WWC2: variants seen among roughly 807,000 people sequenced by gnomAD.
WWC2 encodes protein WWC2.
Under a neutral mutation model 138.5 loss-of-function variants are expected in WWC2, and 101 were observed. The ratio of observed to expected loss-of-function variants is 0.73; its 90% confidence interval spans 0.62 to 0.86. The LOEUF is 0.86. Ranked by LOEUF, WWC2 falls within the 40% of genes least tolerant of loss-of-function variation. The pLI is 0.00. For synonymous variants in WWC2, 558 were observed against 538.4 expected (o/e 1.04, Z -0.50); for missense variants, 1,420 against 1,419.4 (o/e 1.00, Z -0.01).
At chr4:183,219,471 T>G (rs1211667537) in intron 4 of WWC2, among the ~76,000 whole-genome samples, 2 of 152,162 alleles carry the variant, frequency 1.3e-5, no homozygotes, top group African/African-American at 4.8e-5. Flanking sequence ...CTAAATAAAA[T>G]AATGAAAAAT....
At chr4:183,166,999 A>G (rs1233062509) in intron 1 of WWC2, among the ~76,000 whole-genome samples, 2 of 152,144 alleles carry the variant, frequency 1.3e-5, no homozygotes, top group East Asian at 3.9e-4. Context: ...TGGCTGGGCA[A>G]TATGGTTTCT....
chr4:183,208,060 CTG>C lies in WWC2; in HGVS notation c.351_352del (p.Tyr118ProfsTer13). 6.2e-7 allele frequency: 1 copy of C among 1,613,926 alleles called. No individual in the cohort carries two copies. Among genetic ancestry groups the C allele is most frequent in the Non-Finnish European group, 8.5e-7 (1 of 1,179,850 alleles). On this transcript the variant is annotated frameshift_variant, in exon 3 of 23. Transcript: ENST00000403733. LOFTEE classifies it high-confidence loss of function. ...AQDALRTQKELYHVKEQRLAL... is the reference protein window; with the variant it reads ...AQDALRTQKEXYHVKEQRLAL... ...GGATGCCCTCCGGACACAGAAGGAA[CTG>C]TACCATGTGAAGGAGCAGAGGCTGG...
intron 1 of WWC2, among the ~76,000 whole-genome samples, chr4:183,102,687 A>ATT (rs1402404735): frequency 6.6e-6 from 1 of 152,036 alleles, no homozygotes; most frequent in African/African-American, 2.4e-5. Context: ...GACTAGGCTA[A>ATT]TCCTGGGGAA....
chr4:183,187,472 G>A (rs1734841247), intron 1 of WWC2, among the ~76,000 whole-genome samples: 1 of 151,444 alleles, frequency 6.6e-6, no homozygotes, highest in African/African-American at 2.4e-5. Flanking sequence ...AGAATCGCTT[G>A]AACCTGGGAG....
chr4:183,200,614 G>A (rs1735269985), intron 2 of WWC2, among the ~76,000 whole-genome samples: 1 of 152,068 alleles, frequency 6.6e-6, no homozygotes, highest in Non-Finnish European at 1.5e-5. Flanking sequence ...TCATCTCAAG[G>A]CTGACTGGAG....
intron 1 of WWC2, among the ~76,000 whole-genome samples, chr4:183,182,486 T>G (rs920706453): frequency 1.3e-5 from 2 of 152,216 alleles, no homozygotes; most frequent in Non-Finnish European, 1.5e-5. Context: ...CACTTAAAAT[T>G]TCAGACTATT....
chr4:183,203,796 TTAA>T (rs1166107659), intron 2 of WWC2, among the ~76,000 whole-genome samples: 3 of 152,254 alleles, frequency 2.0e-5, no homozygotes, highest in African/African-American at 7.2e-5. Context: ...CATTTCTCTA[TTAA>T]TGACAGGTTT....
At chr4:183,152,895 A>T (rs1249370806) in intron 1 of WWC2, among the ~76,000 whole-genome samples, 1 of 152,052 alleles carries the variant, frequency 6.6e-6, no homozygotes, top group Non-Finnish European at 1.5e-5. Context: ...AAAAAAATAA[A>T]AAATAAATAA....
intron 1 of WWC2, among the ~76,000 whole-genome samples, chr4:183,164,334 TATACATATA>T (rs1734060463): frequency 8.6e-4 from 1 of 1,158 alleles, no homozygotes; most frequent in African/African-American, 1.4e-3. Context: ...TATATATATA[TATACATATA>T]TATATTATAT....
chr4:183,220,658 C>T (rs376644775), intron 4 of WWC2, among the ~76,000 whole-genome samples: 17 of 151,674 alleles, frequency 1.1e-4, no homozygotes, highest in South Asian at 4.2e-4. Flanking sequence ...CACAGTGAAA[C>T]GCCATCTCTA....
chr4:183,107,691 G>A (rs548939974), intron 1 of WWC2, among the ~76,000 whole-genome samples: 1 of 152,158 alleles, frequency 6.6e-6, no homozygotes, highest in Admixed American at 6.5e-5. Context: ...GTCTCACATT[G>A]CTCTTCCCTT....
chr4:183,265,779 T>A lies in WWC2; in HGVS notation c.2120+11T>A, dbSNP rs1335458393. On this transcript the variant is annotated intron_variant, in intron 13 of 22. Coordinates refer to ENST00000403733, the MANE Select transcript of WWC2 (RefSeq NM_024949.6). ...TCAGATAGGACTCAGGTAAGGAATG[T>A]ACGTGGGAAAGGAGCAGTTCTGACA... 6.2e-7 allele frequency: 1 copy of A among 1,610,168 alleles called. No individual in the cohort carries two copies. Among genetic ancestry groups the A allele is most frequent in the Non-Finnish European group, 8.5e-7 (1 of 1,178,108 alleles).
At chr4:183,296,933 C>CAAAAAAAAA (rs776211338) in intron 21 of WWC2, among the ~76,000 whole-genome samples, 2 of 70,756 alleles carry the variant, frequency 2.8e-5, no homozygotes, top group African/African-American at 1.3e-4. Flanking sequence ...GACTCCGTCT[C>CAAAAAAAAA]AAAAAAAAAA....
At chr4:183,161,972 A>G (rs988137971) in intron 1 of WWC2, among the ~76,000 whole-genome samples, 21 of 152,210 alleles carry the variant, frequency 1.4e-4, no homozygotes, top group African/African-American at 5.1e-4. Context: ...TTCAGCATAA[A>G]TGAGGAAGGA....
intron 21 of WWC2, among the ~76,000 whole-genome samples, chr4:183,297,521 T>C (rs1738675016): frequency 6.6e-6 from 1 of 151,914 alleles, no homozygotes. Context: ...GCAGTTCTTC[T>C]GCCTCAGCCT....
intron 21 of WWC2, among the ~76,000 whole-genome samples, chr4:183,306,458 G>A (rs1739025377): frequency 6.6e-6 from 1 of 152,072 alleles, no homozygotes; most frequent in Non-Finnish European, 1.5e-5. Context: ...AGTGGGAGTA[G>A]CTATATTAAT....
chr4:183,298,858 G>A (rs1177891446), intron 21 of WWC2, among the ~76,000 whole-genome samples: 1 of 152,152 alleles, frequency 6.6e-6, no homozygotes, highest in Non-Finnish European at 1.5e-5. Flanking sequence ...TGAACCTTTA[G>A]GGTACATGCA....
At chr4:183,138,890 C>T (rs1298534308) in intron 1 of WWC2, among the ~76,000 whole-genome samples, 2 of 152,156 alleles carry the variant, frequency 1.3e-5, no homozygotes, top group African/African-American at 2.4e-5. Context: ...TTTTATAACA[C>T]GGCCCCAGTG....
At chr4:183,100,302 G>A (rs1417692574) in intron 1 of WWC2, among the ~76,000 whole-genome samples, 1 of 152,268 alleles carries the variant, frequency 6.6e-6, no homozygotes, top group Admixed American at 6.5e-5. Flanking sequence ...GAGATGTAGT[G>A]AAATTAACGT....
Sources: allele counts gnomAD v4.1 joint callset (sites outside exome capture counted in the v4.1 genomes callset), GRCh38; gene constraint gnomAD v4.1.1; transcripts MANE v1.5; gene names NCBI Gene and HGNC (gene_info 2026-07-23, HGNC 2026-07-21).